HDAC9: variants seen among roughly 807,000 people sequenced by gnomAD.
HDAC9 encodes the protein histone deacetylase 9.
HDAC9 carries 41 observed loss-of-function variants against 139.4 expected under a neutral mutation model. The ratio of observed to expected loss-of-function variants is 0.29; its 90% CI spans 0.23 to 0.38. HDAC9 has a LOEUF of 0.38. Among genes scored for constraint, HDAC9 ranks in the 10% least tolerant of loss-of-function variants. The pLI is 1.00. For synonymous variants in HDAC9, 517 were observed against 476.2 expected (o/e 1.09, Z -1.12); for missense variants, 1,147 against 1,297.0 (o/e 0.88, Z 1.78).
chr7:18,368,193 G>A (rs1432922824), intron 1 of HDAC9, among the ~76,000 whole-genome samples: 4 of 151,834 alleles, frequency 2.6e-5, no homozygotes, highest in African/African-American at 9.7e-5. Context: ...TAACTAAACA[G>A]TTAATACTTT....
chr7:18,720,894 T>C (rs185163563), intron 12 of HDAC9, among the ~76,000 whole-genome samples: 2 of 152,254 alleles, frequency 1.3e-5, no homozygotes, highest in East Asian at 3.9e-4. Flanking sequence ...TTGCCCAGGC[T>C]GGTCTTGAAC....
intron 8 of HDAC9, among the ~76,000 whole-genome samples, chr7:18,638,655 TG>T (rs1336987212): frequency 6.6e-6 from 1 of 152,068 alleles, no homozygotes; most frequent in African/African-American, 2.4e-5. Context: ...GTTCATTTTT[TG>T]TTGTTATTAT....
chr7:18,325,297 A>G (rs1005113611), intron 1 of HDAC9, among the ~76,000 whole-genome samples: 3 of 152,156 alleles, frequency 2.0e-5, no homozygotes, highest in African/African-American at 2.4e-5. Context: ...AGCAATGAAT[A>G]AAACAAAAAG....
chr7:18,632,938 G>A (rs1228131959), intron 7 of HDAC9, among the ~76,000 whole-genome samples: 3 of 152,000 alleles, frequency 2.0e-5, no homozygotes, highest in South Asian at 2.1e-4. Flanking sequence ...ATAGAGATAT[G>A]CAGGAAACAG....
chr7:18,239,965 T>C (rs1231815240), intron 2 of HDAC9, among the ~76,000 whole-genome samples: 1 of 151,364 alleles, frequency 6.6e-6, no homozygotes, highest in Non-Finnish European at 1.5e-5. Context: ...TTTTTTTTTT[T>C]TTTTTCTGGA....
intron 14 of HDAC9, among the ~76,000 whole-genome samples, chr7:18,754,246 A>G (rs1429676857): frequency 6.6e-6 from 1 of 152,028 alleles, no homozygotes; most frequent in Non-Finnish European, 1.5e-5. Flanking sequence ...TCTTATCACC[A>G]TGAGAAATGG....
At chr7:18,520,589 A>G (rs1223444765) in intron 2 of HDAC9, among the ~76,000 whole-genome samples, 1 of 152,294 alleles carries the variant, frequency 6.6e-6, no homozygotes, top group South Asian at 2.1e-4. Flanking sequence ...TCTGTTGAAT[A>G]TGATTTTCGA....
intron 2 of HDAC9, among the ~76,000 whole-genome samples, chr7:18,214,442 C>T (rs1373001537): frequency 6.6e-6 from 1 of 152,050 alleles, no homozygotes; most frequent in African/African-American, 2.4e-5. Context: ...ATTTTAAGCT[C>T]AGATTGTATG....
At chr7:18,641,423 CCTAA>C (rs111949431) in intron 8 of HDAC9, among the ~76,000 whole-genome samples, 82,617 of 151,410 alleles carry the variant, frequency 0.55, 25,413 homozygotes, top group Non-Finnish European at 0.7. Flanking sequence ...TTTCTGTGCA[CCTAA>C]CTACCATGTG....
intron 1 of HDAC9, among the ~76,000 whole-genome samples, chr7:18,480,425 A>T (rs1413338740): frequency 6.6e-6 from 1 of 152,222 alleles, no homozygotes; most frequent in Non-Finnish European, 1.5e-5. Context: ...CTAAAACCAG[A>T]CAACCTGATT....
chr7:18,797,851 C>T (rs762729865), intron 17 of HDAC9, among the ~76,000 whole-genome samples: 1 of 151,606 alleles, frequency 6.6e-6, no homozygotes, highest in Non-Finnish European at 1.5e-5. Context: ...AAATTCCTTT[C>T]GTCTTGTTAA....
intron 6 of HDAC9, among the ~76,000 whole-genome samples, chr7:18,623,470 G>A (rs1840781936): frequency 6.6e-6 from 1 of 151,966 alleles, no homozygotes; most frequent in Non-Finnish European, 1.5e-5. Flanking sequence ...TCTTACATCT[G>A]CACTTCATGA....
intron 22 of HDAC9, among the ~76,000 whole-genome samples, chr7:18,876,838 G>A (rs569468289): frequency 5.1e-4 from 77 of 152,014 alleles, no homozygotes; most frequent in African/African-American, 1.8e-3. Context: ...TAGTAGCTGG[G>A]ATTACAGGCA....
At chr7:18,485,139 A>G (rs1186115338) in intron 1 of HDAC9, among the ~76,000 whole-genome samples, 2 of 152,158 alleles carry the variant, frequency 1.3e-5, no homozygotes, top group Non-Finnish European at 2.9e-5. Context: ...TGTTTACTGA[A>G]GATATTCCTA....
chr7:18,385,139 A>G (rs1342770117), intron 1 of HDAC9, among the ~76,000 whole-genome samples: 3 of 152,200 alleles, frequency 2.0e-5, no homozygotes, highest in Admixed American at 6.5e-5. Flanking sequence ...TCCTTATTAT[A>G]GACATTCGAG....
chr7:18,125,820 A>G (rs1784630276), intron 1 of HDAC9, among the ~76,000 whole-genome samples: 1 of 152,184 alleles, frequency 6.6e-6, no homozygotes, highest in Non-Finnish European at 1.5e-5. Context: ...TCAGTTTCAT[A>G]TAATTTTCAT....
chr7:18,424,078 A>G (rs1789888837), intron 1 of HDAC9, among the ~76,000 whole-genome samples: 1 of 152,200 alleles, frequency 6.6e-6, no homozygotes, highest in Non-Finnish European at 1.5e-5. Flanking sequence ...CTAATCTTGT[A>G]ATATGAGTTT....
chr7:18,230,851 C>T lies in HDAC9; in HGVS notation c.25+68502C>T, dbSNP rs114082432. On this transcript the variant is annotated intron_variant, in intron 2 of 12. Transcript: ENST00000417496. ...TAATGAGATTAATGCGTTCCAACAACATAATTATTTTTTAGAGACTCCATA... is the reference window on the plus strand; with the variant it reads ...TAATGAGATTAATGCGTTCCAACAATATAATTATTTTTTAGAGACTCCATA... Among the ~76,000 whole-genome samples, 978 of 152,292 alleles carry T rather than the reference C, an allele frequency of 6.4e-3. 16 individuals carry two copies. The highest frequency in any genetic ancestry group is 0.023 in the African/African-American group (944 of 41,574).
chr7:18,890,529 T>A (rs1800590157), intron 22 of HDAC9, among the ~76,000 whole-genome samples: 1 of 152,190 alleles, frequency 6.6e-6, no homozygotes, highest in African/African-American at 2.4e-5. Context: ...TTAATAATAT[T>A]TGGGACATTT....
Sources: gnomAD v4.1 joint callset for allele counts (sites outside exome capture counted in the v4.1 genomes callset) on GRCh38, gnomAD v4.1.1 for gene constraint, MANE v1.5 for transcripts, NCBI Gene and HGNC (gene_info 2026-07-23, HGNC 2026-07-21) for gene names.